GRIP1: variants seen among roughly 807,000 people sequenced by gnomAD.
The protein encoded by GRIP1 is glutamate receptor interacting protein 1.
GRIP1 carries 45 observed loss-of-function variants against 129.9 expected under a neutral mutation model. That is an observed-to-expected ratio of 0.35 (90% CI 0.27 to 0.44). GRIP1 has a LOEUF of 0.44. Ranked by LOEUF, GRIP1 falls within the 20% of genes least tolerant of loss-of-function variation. The probability of loss-of-function intolerance (pLI) is 1.00; values close to 1 mark genes in which losing one functional copy is unlikely to be tolerated. For missense variants in GRIP1, 1,196 were observed against 1,396.8 expected, an observed-to-expected ratio of 0.86 and a Z score of 2.29; for synonymous variants, 530 against 520.8, an observed-to-expected ratio of 1.02 and a Z score of -0.24.
chr12:66,491,876 C>T (rs2060112894), intron 7 of GRIP1, among the ~76,000 whole-genome samples: 1 of 152,202 alleles, frequency 6.6e-6, no homozygotes, highest in Non-Finnish European at 1.5e-5. Flanking sequence ...ACAATCATCA[C>T]ATTCCCTATC....
Position 66,561,618 on chromosome 12 carries a change from C to G in GRIP1, c.137-19668G>C, listed in dbSNP as rs1350218829. Among the ~76,000 whole-genome samples the G allele has an allele frequency of 6.6e-5, 10 of 152,064 alleles. No individual in the cohort carries two copies. In the South Asian group the frequency reaches 1.9e-3, roughly 28 times the overall value. ...ACTTGAAAAATATTTGCAAATGGTTCATTATGCCCTAAAAAACCAGCCCTA... is the reference window on the plus strand; with the variant it reads ...ACTTGAAAAATATTTGCAAATGGTTGATTATGCCCTAAAAAACCAGCCCTA... On this transcript the variant is annotated intron_variant, in intron 2 of 24. Transcript: ENST00000359742.
intron 1 of GRIP1, among the ~76,000 whole-genome samples, chr12:66,708,579 A>G (rs1324780625): frequency 6.6e-6 from 1 of 152,010 alleles, no homozygotes; most frequent in Non-Finnish European, 1.5e-5. Context: ...TTATGCAACC[A>G]GACTAATTTT....
At chr12:66,900,940 C>T (rs959925296) in intron 1 of GRIP1, among the ~76,000 whole-genome samples, 4 of 152,140 alleles carry the variant, frequency 2.6e-5, no homozygotes, top group Non-Finnish European at 5.9e-5. Context: ...GCTCTTAAAT[C>T]CTGCATGTTT....
chr12:66,572,535 CA>C (rs2062998534), intron 2 of GRIP1, among the ~76,000 whole-genome samples: 1 of 151,872 alleles, frequency 6.6e-6, no homozygotes, highest in South Asian at 2.1e-4. Context: ...TGAAATCAGA[CA>C]AAAGTGAAAA....
At chr12:66,676,320 C>T (rs1405434157) in intron 1 of GRIP1, among the ~76,000 whole-genome samples, 1 of 152,080 alleles carries the variant, frequency 6.6e-6, no homozygotes, top group Non-Finnish European at 1.5e-5. Flanking sequence ...CCCTTTTATT[C>T]CATCATTTTC....
intron 1 of GRIP1, among the ~76,000 whole-genome samples, chr12:66,824,124 C>A (rs1592879713): frequency 6.6e-6 from 1 of 152,128 alleles, no homozygotes; most frequent in African/African-American, 2.4e-5. Context: ...GCAGAGGTAG[C>A]CTGAGTCTGC....
At chr12:66,785,452 T>C (rs1382406619) in intron 1 of GRIP1, among the ~76,000 whole-genome samples, 2 of 150,154 alleles carry the variant, frequency 1.3e-5, no homozygotes, top group Non-Finnish European at 3.0e-5. Context: ...ATGGAAGCTG[T>C]GGTGAGCTCT....
At chr12:67,067,848 T>G (rs1422748516) in intron 1 of GRIP1, among the ~76,000 whole-genome samples, 1 of 152,158 alleles carries the variant, frequency 6.6e-6, no homozygotes, top group Admixed American at 6.5e-5. Context: ...CACACCAGAC[T>G]GGCCGGCCTC....
At chr12:66,988,388 CTTTT>C (rs1223743208) in intron 1 of GRIP1, among the ~76,000 whole-genome samples, 1 of 150,730 alleles carries the variant, frequency 6.6e-6, no homozygotes, top group Admixed American at 6.6e-5. Flanking sequence ...TTTTCTTTTT[CTTTT>C]TTTTTAGATG....
At chr12:66,463,214 G>T in intron 8 of GRIP1, 121 bp from the exon 9 acceptor site, 2 of 903,450 alleles carry the variant, frequency 2.2e-6, no homozygotes, top group East Asian at 2.6e-5. Context: ...GAAAAGAAAA[G>T]TTTGAGTGTT....
chr12:66,401,649 CACACACAT>C (rs1336932667), intron 16 of GRIP1, among the ~76,000 whole-genome samples: 2 of 149,040 alleles, frequency 1.3e-5, no homozygotes, highest in African/African-American at 5.0e-5. Flanking sequence ...CACACACACA[CACACACAT>C]ATATCTCCTC....
At chr12:66,688,059 T>A (rs912618020) in intron 1 of GRIP1, among the ~76,000 whole-genome samples, 9 of 152,114 alleles carry the variant, frequency 5.9e-5, no homozygotes, top group African/African-American at 2.2e-4. Context: ...AGTCGAGGGA[T>A]GGAGAGTGAC....
intron 1 of GRIP1, among the ~76,000 whole-genome samples, chr12:66,844,387 A>C (rs907068921): frequency 1.5e-4 from 23 of 152,332 alleles, no homozygotes; most frequent in African/African-American, 5.0e-4. Flanking sequence ...CAAAACCATG[A>C]GATACCACCT....
intron 1 of GRIP1, among the ~76,000 whole-genome samples, chr12:66,989,701 CAATA>C (rs1303635332): frequency 1.3e-5 from 2 of 152,042 alleles, no homozygotes; most frequent in Non-Finnish European, 2.9e-5. Flanking sequence ...TTCGGAACAA[CAATA>C]AACACTGTCA....
chr12:66,538,196 T>G (rs2139186112), intron 4 of GRIP1, among the ~76,000 whole-genome samples: 1 of 145,254 alleles, frequency 6.9e-6, no homozygotes, highest in East Asian at 1.9e-4. Flanking sequence ...GTGTTCTTGC[T>G]GTACTTTTTT....
intron 1 of GRIP1, among the ~76,000 whole-genome samples, chr12:66,950,152 T>A (rs1026320029): frequency 3.9e-5 from 6 of 152,180 alleles, no homozygotes; most frequent in African/African-American, 1.4e-4. Context: ...TATCAAAAAC[T>A]TTGTGATCTC....
chr12:66,972,623 C>T (rs2042090890), intron 1 of GRIP1, among the ~76,000 whole-genome samples: 1 of 152,180 alleles, frequency 6.6e-6, no homozygotes, highest in Admixed American at 6.5e-5. Context: ...AAATAAACTT[C>T]TTCCTTCCAC....
intron 23 of GRIP1, among the ~76,000 whole-genome samples, chr12:66,367,064 G>A (rs150013063): frequency 3.2e-4 from 49 of 152,282 alleles, no homozygotes; most frequent in Non-Finnish European, 5.0e-4. Flanking sequence ...GCCTTAAGGT[G>A]TGCAAAGAAG....
intron 2 of GRIP1, among the ~76,000 whole-genome samples, chr12:66,563,276 T>C (rs2139418292): frequency 6.6e-6 from 1 of 152,246 alleles, no homozygotes; most frequent in South Asian, 2.1e-4. Flanking sequence ...AAACAGAAGT[T>C]GTATTCCTTA....
Sources: gnomAD v4.1 joint callset for allele counts (sites outside exome capture counted in the v4.1 genomes callset) on GRCh38, gnomAD v4.1.1 for gene constraint, MANE v1.5 for transcripts, NCBI Gene and HGNC (gene_info 2026-07-23, HGNC 2026-07-21) for gene names.